HCK: variants seen among roughly 807,000 people sequenced by gnomAD.
HCK encodes the protein tyrosine-protein kinase HCK.
A neutral mutation model predicts 70.4 loss-of-function variants in HCK; 40 were observed. The ratio of observed to expected loss-of-function variants is 0.57; its 90% confidence interval spans 0.44 to 0.74. The LOEUF (loss-of-function observed/expected upper bound fraction) is 0.74. Among genes scored for constraint, HCK ranks in the 30% least tolerant of loss-of-function variants. The pLI is 0.00. For missense variants in HCK, 568 were observed against 697.2 expected, an observed-to-expected ratio of 0.81 and a Z score of 2.09; for synonymous variants, 245 against 263.2, an observed-to-expected ratio of 0.93 and a Z score of 0.67.
chr20:32,073,373 C>A lies in HCK; in HGVS notation c.226+12C>A. On this transcript the variant is annotated intron_variant, in intron 3 of 12. Transcript: ENST00000375852. ...AGGAATCAGGGAGGGTAAGTATCTA[C>A]GAGCAGATGCAGTGGAGTCATGTGT... 6.2e-7 allele frequency: 1 copy of A among 1,609,312 alleles called. No homozygotes were observed. The highest frequency in any genetic ancestry group is 8.5e-7 in the Non-Finnish European group (1 of 1,177,578).
intron 12 of HCK, among the ~76,000 whole-genome samples, chr20:32,101,015 T>C (rs575335218): frequency 6.6e-6 from 1 of 152,170 alleles, no homozygotes; most frequent in Non-Finnish European, 1.5e-5. Context: ...TATCTCACAG[T>C]GTTCAAAGGA....
At chr20:32,084,228 G>T (rs554636171) in intron 7 of HCK, among the ~76,000 whole-genome samples, 163 bp from the exon 8 acceptor site, 7 of 152,302 alleles carry the variant, frequency 4.6e-5, no homozygotes, top group Non-Finnish European at 1.0e-4. Flanking sequence ...AAGATGTAGA[G>T]GTGGCACCCC....
intron 1 of HCK, among the ~76,000 whole-genome samples, chr20:32,070,572 C>T (rs781275682): frequency 1.3e-5 from 2 of 152,164 alleles, no homozygotes; most frequent in African/African-American, 2.4e-5. Context: ...TTCTGTATCC[C>T]TTTCTCTGAC....
chr20:32,079,256 T>C (rs242603), intron 5 of HCK, among the ~76,000 whole-genome samples: 73,359 of 152,114 alleles, frequency 0.48, 20,335 homozygotes, highest in African/African-American at 0.77. Context: ...ACTCCATATA[T>C]GCGGAGGAGG....
At chr20:32,052,919 G>C (rs1474596374) in intron 1 of HCK, among the ~76,000 whole-genome samples, 1 of 152,080 alleles carries the variant, frequency 6.6e-6, no homozygotes, top group African/African-American at 2.4e-5. Flanking sequence ...AGCCAGCTTG[G>C]GGAAGGGGGT....
chr20:32,094,745 G>GAAAGA (rs2045916345), intron 11 of HCK, among the ~76,000 whole-genome samples: 1 of 129,078 alleles, frequency 7.7e-6, no homozygotes, highest in Non-Finnish European at 1.7e-5. Flanking sequence ...AAGAAAGAAA[G>GAAAGA]AAAGAAAGAA....
intron 7 of HCK, 77 bp downstream of exon 7, chr20:32,084,120 T>C: frequency 6.8e-7 from 1 of 1,468,350 alleles, no homozygotes; most frequent in Admixed American, 1.9e-5. Flanking sequence ...CTGTGGCCCC[T>C]GAGACCTGCT....
At position 32,073,835 on chromosome 20, in the gene HCK, C is replaced by T. The variant is rs2045581988; in HGVS notation, c.329+17C>T. On this transcript the variant is annotated intron_variant, in intron 4 of 12. Transcript: ENST00000375852. The stretch of plus-strand genomic sequence containing the variant: ...CCTAGAGGAGTGAGTCCCCATCCCA[C>T]TCCCCCTAAGACAGACCTGCCTCCT... 22 of 1,473,052 alleles carry T rather than the reference C, an allele frequency of 1.5e-5. No homozygotes were observed. The highest frequency in any genetic ancestry group is 2.0e-5 in the Non-Finnish European group (22 of 1,075,120). The allele number at this position is 1,473,052 out of a possible 1,614,324, so 91.2% of individuals were successfully genotyped here.
At chr20:32,085,445 T>A (rs1004254948) in intron 8 of HCK, among the ~76,000 whole-genome samples, 1 of 150,618 alleles carries the variant, frequency 6.6e-6, no homozygotes, top group Non-Finnish European at 1.5e-5. Context: ...ACCCAGGAGG[T>A]GGAAGTTGCA....
chr20:32,058,639 CAT>C lies in HCK; in HGVS notation c.62+6155_62+6156del, dbSNP rs1491051155. Reference sequence around the variant, plus strand: ...ACACACACACACACACACACACACACATACACACACTAGTCCATCATGGCGTA... The same window carrying C: ...ACACACACACACACACACACACACACACACACACTAGTCCATCATGGCGTA... On this transcript the variant is annotated intron_variant, in intron 1 of 12. Transcript: ENST00000375852. 4.5e-4 allele frequency among the ~76,000 whole-genome samples: 67 copies of C among 150,408 alleles called. 2 individuals carry two copies. The highest frequency in any genetic ancestry group is 4.2e-4 in the South Asian group (2 of 4,706).
rs2045692893 is a variant in HCK at position 32,080,390 on chromosome 20, G to C, written c.532+513G>C. 1.3e-5 allele frequency among the ~76,000 whole-genome samples: 2 copies of C among 152,002 alleles called. 1 individual carries two copies. Among genetic ancestry groups the C allele is most frequent in the Admixed American group, 1.3e-4 (2 of 15,262 alleles). On this transcript the variant is annotated intron_variant, in intron 6 of 12. Coordinates refer to ENST00000375852, the MANE Select transcript of HCK (RefSeq NM_002110.5). ...ATTTTTGTATTTTTAGTAGAGACAG[G>C]GTTTCACCATGTTGGCCAGTATGGT...
intron 11 of HCK, among the ~76,000 whole-genome samples, chr20:32,094,750 A>G (rs555442420): frequency 7.4e-6 from 1 of 134,406 alleles, no homozygotes; most frequent in African/African-American, 2.8e-5. Context: ...AGAAAGAAAG[A>G]AAGAAAGAAA....
intron 8 of HCK, among the ~76,000 whole-genome samples, chr20:32,086,094 A>G (rs2045781187): frequency 6.6e-6 from 1 of 152,170 alleles, no homozygotes; most frequent in South Asian, 2.1e-4. Context: ...ATCTTGGCTC[A>G]CTGCAAGCTC....
chr20:32,076,400 T>C (rs1453355452), intron 5 of HCK, among the ~76,000 whole-genome samples: 1 of 152,178 alleles, frequency 6.6e-6, no homozygotes, highest in African/African-American at 2.4e-5. Context: ...TCTCTCCTTC[T>C]TCCAGGCTTT....
chr20:32,095,320 A>G (rs566192796), intron 11 of HCK, among the ~76,000 whole-genome samples: 25 of 152,216 alleles, frequency 1.6e-4, no homozygotes, highest in African/African-American at 6.0e-4. Context: ...CAGTGGCTCA[A>G]TCTCAGCTCA....
At chr20:32,085,873 G>T (rs191225343) in intron 8 of HCK, among the ~76,000 whole-genome samples, 1 of 152,204 alleles carries the variant, frequency 6.6e-6, no homozygotes, top group Admixed American at 6.6e-5. Flanking sequence ...AGGCTAGAGG[G>T]GTGGACGAGG....
intron 1 of HCK, chr20:32,054,204 C>G (rs1473305868): frequency 4.4e-6 from 2 of 456,516 alleles, no homozygotes; most frequent in Non-Finnish European, 8.8e-6. Context: ...TCCTGTTTCT[C>G]TCCCTCCCCA....
At chr20:32,059,308 C>CTTTCT (rs1164269747) in intron 1 of HCK, among the ~76,000 whole-genome samples, 22 of 151,820 alleles carry the variant, frequency 1.4e-4, no homozygotes, top group African/African-American at 5.3e-4. Flanking sequence ...TCCCTCCCTC[C>CTTTCT]TTTCTTTTCT....
chr20:32,072,462 C>G (rs1411574237), intron 2 of HCK: 1 of 148,120 alleles, frequency 6.8e-6, no homozygotes, highest in Non-Finnish European at 1.5e-5. Flanking sequence ...TTTTGGGAGG[C>G]TGAGGCAGGA....
Sources: gnomAD v4.1 joint callset for allele counts (sites outside exome capture counted in the v4.1 genomes callset) on GRCh38, gnomAD v4.1.1 for gene constraint, MANE v1.5 for transcripts, NCBI Gene and HGNC (gene_info 2026-07-23, HGNC 2026-07-21) for gene names.